Variants in SNUPN observed in about 807,000 individuals in gnomAD.
SNUPN encodes snurportin 1.
In SNUPN, 31 loss-of-function variants were observed where a neutral mutation model predicts 39.2. The observed-to-expected ratio is 0.79, with a 90% confidence interval of 0.59 to 1.07. The LOEUF is 1.07. SNUPN is among the 50% of genes least tolerant of loss of function. The pLI, the probability that SNUPN is intolerant of heterozygous loss-of-function variation, is 0.00. For missense variants in SNUPN, 382 were observed against 434.2 expected (o/e 0.88, Z 1.07); for synonymous variants, 132 against 159.0 (o/e 0.83, Z 1.28).
At chr15:75,614,622 C>T (rs1200974129) in intron 3 of SNUPN, among the ~76,000 whole-genome samples, 1 of 151,998 alleles carries the variant, frequency 6.6e-6, no homozygotes, top group South Asian at 2.1e-4. Flanking sequence ...TGGAGAGTGA[C>T]ACTAATTAGT....
In SNUPN at chr15:75,601,173, G is replaced by C. The variant is rs753890946; in HGVS notation, c.724C>G (p.Leu242Val). Reference protein sequence around the residue: ...LKNFPCTPESLCDVLSMDFPF... With the variant: ...LKNFPCTPESVCDVLSMDFPF... The stretch of plus-strand genomic sequence containing the variant: ...AAATCCATAGATAGCACATCACACA[G>C]GCTTTCGGGAGTGCAAGGGAAGTTC... Residue 242 changes from leucine to valine, a missense_variant, in exon 8 of 9, where the codon CTG (leucine) becomes GTG (valine). By Grantham distance (32) the Leu-to-Val change is conservative. Transcript: ENST00000308588. 2.5e-6 allele frequency: 4 copies of C among 1,613,714 alleles called. No individual in the cohort carries two copies. In the African/African-American group the frequency reaches 5.3e-5, roughly 22 times the overall value.
At chr15:75,609,800 GC>G in intron 4 of SNUPN, 89 bp downstream of exon 4, 1 of 1,194,994 alleles carries the variant, frequency 8.4e-7, no homozygotes. Flanking sequence ...TCCAGGCACA[GC>G]TGTTGTGGCG....
In SNUPN at chr15:75,598,540, AGT is replaced by A; in HGVS notation, c.899_900del (p.Asp300ValfsTer30). The A allele has an allele frequency of 6.2e-7, 1 of 1,614,138 alleles. No homozygotes were observed. The highest frequency in any genetic ancestry group is 1.1e-5 in the South Asian group (1 of 91,080). On this transcript the variant is annotated frameshift_variant, in exon 9 of 9. Transcript: ENST00000308588. LOFTEE classifies it low-confidence loss of function (END_TRUNC). ...VPAGPLTTKP[D>X]YAGHQLQQIM... ...ATCTGCTGGAGCTGGTGCCCAGCAT[AGT>A]CTGGCTTGGTGGTCAGCGGGCCAGC...
chr15:75,619,301 C>G (rs1309802704), intron 2 of SNUPN, among the ~76,000 whole-genome samples: 1 of 150,708 alleles, frequency 6.6e-6, no homozygotes, highest in Non-Finnish European at 1.5e-5. Context: ...AAAAAAAAAG[C>G]TTTTGTACAC....
At chr15:75,610,622 T>C (rs1318808389) in intron 3 of SNUPN, among the ~76,000 whole-genome samples, 1 of 152,110 alleles carries the variant, frequency 6.6e-6, no homozygotes, top group East Asian at 1.9e-4. Flanking sequence ...TTTCCTTACT[T>C]TGTCCATCTG....
At chr15:75,615,991 C>T (rs927279931) in intron 3 of SNUPN, among the ~76,000 whole-genome samples, 1 of 152,098 alleles carries the variant, frequency 6.6e-6, no homozygotes, top group Admixed American at 6.6e-5. Context: ...CATCTATCTT[C>T]CCATGTCATA....
chr15:75,602,499 C>G (rs554022157), intron 7 of SNUPN, among the ~76,000 whole-genome samples: 21 of 146,896 alleles, frequency 1.4e-4, no homozygotes, highest in Non-Finnish European at 2.7e-4. Context: ...GCACTCTAGC[C>G]TGAGCAACAG....
intron 8 of SNUPN, 51 bp downstream of exon 8, chr15:75,601,086 CT>C (rs1567547438): frequency 7.9e-7 from 1 of 1,270,060 alleles, no homozygotes; most frequent in Non-Finnish European, 1.2e-6. Context: ...GTAACTAAGT[CT>C]CTCTGCAGCC....
chr15:75,602,696 CTTGGG>C (rs2075298540), intron 7 of SNUPN, among the ~76,000 whole-genome samples: 1 of 151,616 alleles, frequency 6.6e-6, no homozygotes, highest in African/African-American at 2.4e-5. Context: ...GCCTCAACCT[CTTGGG>C]CTCAAGTGAT....
chr15:75,604,209 G>A (rs528047814), intron 7 of SNUPN, among the ~76,000 whole-genome samples: 27 of 133,274 alleles, frequency 2.0e-4, no homozygotes, highest in Admixed American at 8.8e-4. Context: ...TGCCCAGGCT[G>A]GAGTACAGTG....
intron 3 of SNUPN, among the ~76,000 whole-genome samples, chr15:75,615,593 C>CTTTTT (rs1595987126): frequency 1.0e-4 from 11 of 109,422 alleles, no homozygotes; most frequent in African/African-American, 4.3e-4. Context: ...GAAGGAATCT[C>CTTTTT]ATTTTTTTTT....
At chr15:75,620,040 T>C (rs910894011) in intron 2 of SNUPN, among the ~76,000 whole-genome samples, 1 of 152,148 alleles carries the variant, frequency 6.6e-6, no homozygotes, top group Non-Finnish European at 1.5e-5. Context: ...TCAGCCACCA[T>C]GCCCGGCCTC....
At chr15:75,622,691 T>C (rs545560410) in intron 1 of SNUPN, among the ~76,000 whole-genome samples, 2 of 152,294 alleles carry the variant, frequency 1.3e-5, no homozygotes, top group South Asian at 2.1e-4. Flanking sequence ...GCTCTGAGCA[T>C]CAAAATCAAC....
chr15:75,600,168 G>T (rs539375087), intron 8 of SNUPN, among the ~76,000 whole-genome samples: 26 of 152,044 alleles, frequency 1.7e-4, no homozygotes, highest in Admixed American at 1.6e-3. Flanking sequence ...TTAAGGGAAT[G>T]ATGGGCAAAG....
chr15:75,607,879 G>A (rs751090392), intron 5 of SNUPN, among the ~76,000 whole-genome samples: 10 of 152,062 alleles, frequency 6.6e-5, no homozygotes, highest in African/African-American at 2.2e-4. Context: ...GGGACCAGCC[G>A]GGTTTAAACA....
At chr15:75,615,058 C>A (rs929335638) in intron 3 of SNUPN, among the ~76,000 whole-genome samples, 2 of 152,166 alleles carry the variant, frequency 1.3e-5, no homozygotes, top group Non-Finnish European at 2.9e-5. Flanking sequence ...CATATCCAGT[C>A]CACTGCTAAG....
chr15:75,617,914 C>G (rs1310824345), intron 2 of SNUPN, among the ~76,000 whole-genome samples: 2 of 152,062 alleles, frequency 1.3e-5, no homozygotes, highest in African/African-American at 2.4e-5. Flanking sequence ...TAGGAAGATG[C>G]CCTATAATGC....
chr15:75,600,811 A>G (rs1196572701), intron 8 of SNUPN: 2 of 248,824 alleles, frequency 8.0e-6, no homozygotes, highest in African/African-American at 4.5e-5. Context: ...TGCAGTAGGA[A>G]GAGGCACACA....
intron 3 of SNUPN, 52 bp downstream of exon 3, chr15:75,617,356 C>G: frequency 6.3e-7 from 1 of 1,575,650 alleles, no homozygotes; most frequent in Non-Finnish European, 8.6e-7. Context: ...GCTTTGACTG[C>G]ATAGTAAAGG....
Sources: gnomAD v4.1 joint callset for allele counts (sites outside exome capture counted in the v4.1 genomes callset) on GRCh38, gnomAD v4.1.1 for gene constraint, MANE v1.5 for transcripts, NCBI Gene and HGNC (gene_info 2026-07-23, HGNC 2026-07-21) for gene names.